HID1: variants seen among roughly 807,000 people sequenced by gnomAD.
HID1 encodes HID1 domain containing, also known as protein HID1.
In HID1, 42 loss-of-function variants were observed where a neutral mutation model predicts 89.7. The observed-to-expected ratio is 0.47, with a 90% CI of 0.37 to 0.61. The LOEUF (loss-of-function observed/expected upper bound fraction) is 0.61. Among genes scored for constraint, HID1 ranks in the 20% least tolerant of loss-of-function variants. The probability of loss-of-function intolerance (pLI) is 0.00; values close to 1 mark genes in which losing one functional copy is unlikely to be tolerated. For missense variants in HID1, 854 were observed against 1,039.3 expected (o/e 0.82, Z 2.45); for synonymous variants, 442 against 433.8 (o/e 1.02, Z -0.24).
At chr17:74,966,015 G>A (rs1326860230) in intron 1 of HID1, among the ~76,000 whole-genome samples, 1 of 149,548 alleles carries the variant, frequency 6.7e-6, no homozygotes, top group African/African-American at 2.5e-5. Context: ...GGCTGGGTGA[G>A]GTGGCTCACG....
intron 3 of HID1, 28 bp downstream of exon 3, chr17:74,963,712 C>A: frequency 6.4e-7 from 1 of 1,570,934 alleles, no homozygotes. Context: ...ACTCTGCCTC[C>A]CACCCAGCCC....
intron 12 of HID1, 152 bp from the exon 13 acceptor site, chr17:74,956,108 A>G: frequency 1.3e-6 from 1 of 741,740 alleles, no homozygotes; most frequent in Non-Finnish European, 2.2e-6. Context: ...CTGAGTCCAC[A>G]CTGGCCATAC....
At position 74,954,221 on chromosome 17, in the gene HID1, T is replaced by C. The variant is rs1396860532; in HGVS notation, c.1781A>G (p.Gln594Arg). Reference sequence around the variant, plus strand: ...GGAGCCCTCCATGGAGGTGCCCTCCTGGGAGCCGGTGCGAGACAAGGGCTC... The same window carrying C: ...GGAGCCCTCCATGGAGGTGCCCTCCCGGGAGCCGGTGCGAGACAAGGGCTC... Reference protein sequence around the residue: ...TPEPLSRTGSQEGTSMEGSRP... With the variant: ...TPEPLSRTGSREGTSMEGSRP... Residue 594 changes from glutamine to arginine, a missense_variant, in exon 14 of 19, where the codon CAG becomes CGG. Coordinates refer to ENST00000425042, the MANE Select transcript of HID1 (RefSeq NM_030630.3). The C allele has an allele frequency of 6.3e-7, 1 of 1,596,390 alleles. No individual in the cohort carries two copies.
At chr17:74,960,830 C>G (rs901327801) in intron 6 of HID1, among the ~76,000 whole-genome samples, 1 of 152,160 alleles carries the variant, frequency 6.6e-6, no homozygotes, top group African/African-American at 2.4e-5. Context: ...GTCTGGAAGG[C>G]GGAGGTCGAC....
In HID1 at chr17:74,955,212, A is replaced by G. The variant is rs531351651; in HGVS notation, c.1636+580T>C. 8.1e-4 allele frequency among the ~76,000 whole-genome samples: 123 copies of G among 152,364 alleles called. 3 individuals are homozygous for G. The South Asian group carries it at 0.025, about 31-fold the overall frequency. On this transcript the variant is annotated intron_variant, in intron 13 of 18. Transcript: ENST00000425042. ...GTGACACTGGGCAGACGGGCTGCTA[A>G]GATACCCATCAGGGACTTACTACTC...
rs1257842709 is a variant in HID1 at position 74,951,945 on chromosome 17, T to C, written c.2263A>G (p.Met755Val). 3.2e-6 allele frequency: 5 copies of C among 1,559,058 alleles called. No homozygotes were observed. Among genetic ancestry groups the C allele is most frequent in the African/African-American group, 1.3e-5 (1 of 74,426 alleles). ...CCCCACATGTAGGTGCGGAACCACATGGCAGTGCCCGAGTTGGCCTGGTAC... is the reference window on the plus strand; with the variant it reads ...CCCCACATGTAGGTGCGGAACCACACGGCAGTGCCCGAGTTGGCCTGGTAC... ...RKYQANSGTA[M>V]WFRTYMWGVI... The change falls in exon 18 of 19, where the codon ATG becomes GTG. Residue 755 changes from methionine (M) to valine (V), a missense_variant. Coordinates refer to ENST00000425042, the MANE Select transcript of HID1 (RefSeq NM_030630.3).
chr17:74,962,960 C>A lies in HID1; in HGVS notation c.504+5G>T. ...CCTGGGGGTGGGGGGCTGGGGGACA[C>A]TCACCACAGTGCTCCTCCGGTGGCT... On this transcript the variant is annotated splice_donor_5th_base_variant and intron_variant, in intron 4 of 18. Transcript: ENST00000425042. The surrounding 1 kb of genome is among the most constrained non-coding windows in gnomAD (Gnocchi z 4.3). 6.2e-7 allele frequency: 1 copy of A among 1,603,152 alleles called. No individual in the cohort carries two copies. Among genetic ancestry groups the A allele is most frequent in the South Asian group, 1.1e-5 (1 of 90,504 alleles).
In HID1 at chr17:74,964,570, C is replaced by T. The variant is rs1456255340; in HGVS notation, c.129G>A (p.Val43=). Residue 43 remains valine (V), a synonymous_variant, in exon 2 of 19, where the codon GTG becomes GTA. Transcript: ENST00000425042. ...CCGGCACCAGTGCAAACACATCCTGCACCGAGGTGGCTGTGTCTGCCCAGA... is the reference window on the plus strand; with the variant it reads ...CCGGCACCAGTGCAAACACATCCTGTACCGAGGTGGCTGTGTCTGCCCAGA... ...DQFWADTATS[V]QDVFALVPAA... 6.2e-7 allele frequency: 1 copy of T among 1,612,034 alleles called. No homozygotes were observed. Among genetic ancestry groups the T allele is most frequent in the East Asian group, 2.2e-5 (1 of 44,836 alleles).
chr17:74,951,622 G>C lies in HID1; in HGVS notation c.2315C>G (p.Pro772Arg). ...WGVIYLRNVD[P>R]PVWYDTDVKL... ...CACGTCGGTGTCGTACCAGACAGGG[G>C]GGTCCACATTCCTGTGGAGGAAATG... Residue 772 changes from proline (P) to arginine (R), a missense_variant, in exon 19 of 19, where the codon CCC (proline) becomes CGC (arginine). Pro to Arg is a moderately radical substitution (Grantham distance 103). Transcript: ENST00000425042. 6.2e-7 allele frequency: 1 copy of C among 1,612,718 alleles called. No individual in the cohort carries two copies. The highest frequency in any genetic ancestry group is 8.5e-7 in the Non-Finnish European group (1 of 1,179,514).
chr17:74,963,603 T>A (rs1567963595), intron 3 of HID1, 137 bp downstream of exon 3: 1 of 830,930 alleles, frequency 1.2e-6, no homozygotes, highest in Non-Finnish European at 1.8e-6. Flanking sequence ...ACACCATCCC[T>A]CAGCAGCACC....
Position 74,964,564 on chromosome 17 carries a change from A to T in HID1, c.135T>A (p.Asp45Glu). The change falls in exon 2 of 19, where the codon GAT becomes GAA. Residue 45 changes from aspartate (D) to glutamate (E), a missense_variant. Coordinates refer to ENST00000425042, the MANE Select transcript of HID1 (RefSeq NM_030630.3). ...CTGCTGCCGGCACCAGTGCAAACAC[A>T]TCCTGCACCGAGGTGGCTGTGTCTG... ...FWADTATSVQ[D>E]VFALVPAAEI... 6.2e-7 allele frequency: 1 copy of T among 1,611,864 alleles called. No homozygotes were observed. Among genetic ancestry groups the T allele is most frequent in the Non-Finnish European group, 8.5e-7 (1 of 1,179,270 alleles).
Position 74,956,524 on chromosome 17 carries a change from C to G in HID1, c.1472-568G>C, listed in dbSNP as rs1274547323. 6.6e-5 allele frequency among the ~76,000 whole-genome samples: 10 copies of G among 152,260 alleles called. No homozygotes were observed. The East Asian group carries it at 1.7e-3, about 26-fold the overall frequency. ...GCTGAGGGCTCCACAGGGCAGGGAC[C>G]AGGGCTGTCTTGGTCACAAGTGTGT... On this transcript the variant is annotated intron_variant, in intron 12 of 18. Coordinates refer to ENST00000425042, the MANE Select transcript of HID1 (RefSeq NM_030630.3).
At position 74,972,723 on chromosome 17, in the gene HID1, C is replaced by T. The variant is rs1249462096; in HGVS notation, c.-67G>A. 2.1e-6 allele frequency: 3 copies of T among 1,420,118 alleles called. No individual in the cohort carries two copies. Among genetic ancestry groups the T allele is most frequent in the East Asian group, 3.0e-5 (1 of 33,604 alleles). 88.0% of individuals were successfully genotyped at this position (1,420,118 alleles called of 1,614,324 possible). ...AACCCGGCTCCGGCTTCAGCTCCGGCTCCAGCTCCGCGGCCCCCGCGGCTC... is the reference window on the plus strand; with the variant it reads ...AACCCGGCTCCGGCTTCAGCTCCGGTTCCAGCTCCGCGGCCCCCGCGGCTC... On this transcript the variant is annotated 5_prime_UTR_variant, in exon 1 of 19. Coordinates refer to ENST00000425042, the MANE Select transcript of HID1 (RefSeq NM_030630.3). This position sits in a 1 kb window ranked among gnomAD's most constrained non-coding sequence, Gnocchi z 6.4.
In HID1 at chr17:74,958,779, G is replaced by A. The variant is rs760020751; in HGVS notation, c.1150-16C>T. 1.2e-6 allele frequency: 2 copies of A among 1,611,778 alleles called. No individual in the cohort carries two copies. Among genetic ancestry groups the A allele is most frequent in the Non-Finnish European group, 1.7e-6 (2 of 1,178,716 alleles). ...AGAGGAATTTCTAGGGGTGCGGGGA[G>A]GGGCCAAGTGGGCTGAGTTCAAGGG... On this transcript the variant is annotated splice_polypyrimidine_tract_variant and intron_variant, in intron 9 of 18. Coordinates refer to ENST00000425042, the MANE Select transcript of HID1 (RefSeq NM_030630.3). The surrounding 1 kb of genome is among the most constrained non-coding windows in gnomAD (Gnocchi z 5.2).
chr17:74,954,577 G>A, intron 13 of HID1: 1 of 820,982 alleles, frequency 1.2e-6, no homozygotes, highest in South Asian at 1.8e-5. Flanking sequence ...TGTCAGGCCT[G>A]AGCACCTCAC....
In HID1 at chr17:74,959,937, G is replaced by A; in HGVS notation, c.952C>T (p.Pro318Ser). The stretch of plus-strand genomic sequence containing the variant: ...ACAAACAGGTTCTCAGGGCCTGGAG[G>A]CTGCCAAGAGGAGAAGCCCCTGGTG... Reference protein sequence around the residue: ...TTGTAMDDADPPGPENLFVNY... With the variant: ...TTGTAMDDADSPGPENLFVNY... The change falls in exon 8 of 19, where the codon CCT becomes TCT. Residue 318 changes from proline to serine, a missense_variant and splice_region_variant. Pro to Ser is a moderately conservative substitution (Grantham distance 74, BLOSUM62 -1). Coordinates refer to ENST00000425042, the MANE Select transcript of HID1 (RefSeq NM_030630.3). The surrounding 1 kb of genome is among the most constrained non-coding windows in gnomAD (Gnocchi z 4.6). 6.2e-7 allele frequency: 1 copy of A among 1,613,680 alleles called. No individual in the cohort carries two copies.
In HID1 at chr17:74,972,550, C is replaced by G; in HGVS notation, c.66+41G>C. ...ACCCCCGGCCCTGCCCAGCCCCCAG[C>G]CCGGCAGGTGGATGGGGACGCCGGG... On this transcript the variant is annotated intron_variant, in intron 1 of 18. Transcript: ENST00000425042. The surrounding 1 kb of genome is among the most constrained non-coding windows in gnomAD (Gnocchi z 6.4). 2 of 1,529,764 alleles carry G rather than the reference C, an allele frequency of 1.3e-6. No homozygotes were observed. The highest frequency in any genetic ancestry group is 1.8e-6 in the Non-Finnish European group (2 of 1,132,826). The allele number at this position is 1,529,764 out of a possible 1,614,324, so 94.8% of individuals were successfully genotyped here.
chr17:74,951,223 A>AGT lies in HID1; in HGVS notation c.*346_*347insAC. On this transcript the variant is annotated 3_prime_UTR_variant, in exon 19 of 19. Transcript: ENST00000425042. ...CAAACCCCTTAGGGCACAGTGACCCATTGGCTTCTGCCTCTGGGGCTGGGT... is the reference window on the plus strand; with the variant it reads ...CAAACCCCTTAGGGCACAGTGACCCAGTTTGGCTTCTGCCTCTGGGGCTGGGT... The AGT allele has an allele frequency of 3.0e-6, 1 of 338,870 alleles. No homozygotes were observed. Among genetic ancestry groups the AGT allele is most frequent in the Non-Finnish European group, 5.4e-6 (1 of 183,762 alleles). 21.0% of individuals were successfully genotyped at this position (338,870 alleles called of 1,614,324 possible).
At position 74,955,928 on chromosome 17, in the gene HID1, C is replaced by T. The variant is rs1276402963; in HGVS notation, c.1500G>A (p.Met500Ile). 11 of 1,613,906 alleles carry T rather than the reference C, an allele frequency of 6.8e-6. No homozygotes were observed. The African/African-American group carries it at 1.5e-4, about 22-fold the overall frequency. Residue 500 changes from methionine (M) to isoleucine (I), a missense_variant, in exon 13 of 19, where the codon ATG (methionine) becomes ATA (isoleucine). Physicochemically the swap from Met to Ile is conservative, Grantham distance 10. Transcript: ENST00000425042. Reference sequence around the variant, plus strand: ...GGTGCAGCAACTTGTTGGCAGTCACCATGGACAGGCTCTTGAGGTAGGGGG... The same window carrying T: ...GGTGCAGCAACTTGTTGGCAGTCACTATGGACAGGCTCTTGAGGTAGGGGG... ...NVSPYLKSLSMVTANKLLHLL... is the reference protein window; with the variant it reads ...NVSPYLKSLSIVTANKLLHLL...
Sources: gnomAD v4.1 joint callset for allele counts (sites outside exome capture counted in the v4.1 genomes callset) on GRCh38, gnomAD v4.1.1 for gene constraint, Gnocchi (gnomAD v3.1) non-coding constraint, MANE v1.5 for transcripts, NCBI Gene and HGNC (gene_info 2026-07-23, HGNC 2026-07-21) for gene names.